SSBP3: variants seen among roughly 807,000 people sequenced by gnomAD.
The protein encoded by SSBP3 is single stranded DNA binding protein 3, also known as single-stranded DNA-binding protein 3.
SSBP3 carries 5 observed loss-of-function variants against 69.6 expected under a neutral mutation model. The observed-to-expected ratio is 0.07, with a 90% CI of 0.04 to 0.15. The LOEUF is 0.15. Among genes scored for constraint, SSBP3 ranks in the 10% least tolerant of loss-of-function variants. The pLI is 1.00. For missense variants in SSBP3, 312 were observed against 534.0 expected (o/e 0.58, Z 4.10); for synonymous variants, 196 against 193.4 (o/e 1.01, Z -0.11).
chr1:54,349,555 G>A (rs372191261), intron 4 of SSBP3, among the ~76,000 whole-genome samples: 5 of 152,110 alleles, frequency 3.3e-5, no homozygotes, highest in African/African-American at 1.2e-4. Flanking sequence ...AATCAAAGAG[G>A]AGACCAGCAC....
rs746933473 is a variant in SSBP3 at position 54,276,608 on chromosome 1, C to CAAAAA, written c.366+4825_366+4829dup. On this transcript the variant is annotated intron_variant, in intron 5 of 17. Coordinates refer to ENST00000610401, the Ensembl canonical transcript of SSBP3. ...TGGGTGACAGAGTGAGACTCTGTCT[C>CAAAAA]AAAAAAAAAAAAAAAAAAAAAAAAA... Among the ~76,000 whole-genome samples the CAAAAA allele has an allele frequency of 2.2e-3, 77 of 35,206 alleles. 3 individuals are homozygous for CAAAAA. The highest frequency in any genetic ancestry group is 4.7e-3 in the East Asian group (5 of 1,056). 23.1% of individuals were successfully genotyped at this position (35,206 alleles called of 152,430 possible).
intron 4 of SSBP3, among the ~76,000 whole-genome samples, chr1:54,319,641 C>A (rs1310648513): frequency 6.6e-6 from 1 of 151,990 alleles, no homozygotes; most frequent in East Asian, 1.9e-4. Context: ...CACACAGACC[C>A]TCCCTGAATT....
At chr1:54,272,365 G>A (rs1645208505) in intron 5 of SSBP3, among the ~76,000 whole-genome samples, 4 of 152,018 alleles carry the variant, frequency 2.6e-5, no homozygotes, top group Non-Finnish European at 5.9e-5. Context: ...ACTGTGGCAT[G>A]AGCTTACTCA....
chr1:54,401,370 C>T (rs1333048937), intron 4 of SSBP3, among the ~76,000 whole-genome samples: 1 of 149,956 alleles, frequency 6.7e-6, no homozygotes, highest in Non-Finnish European at 1.5e-5. Context: ...TGAGCCCACC[C>T]ACACCAAACA....
At chr1:54,381,635 T>C (rs1480492232) in intron 4 of SSBP3, among the ~76,000 whole-genome samples, 1 of 152,174 alleles carries the variant, frequency 6.6e-6, no homozygotes. Flanking sequence ...CTCAAATGAC[T>C]TGGCTCAACC....
chr1:54,283,472 G>C (rs573553165), intron 4 of SSBP3, among the ~76,000 whole-genome samples: 6 of 152,320 alleles, frequency 3.9e-5, no homozygotes, highest in African/African-American at 1.4e-4. Context: ...CGGACTTTCT[G>C]AATTTGCTTC....
At chr1:54,294,513 G>T (rs140421087) in intron 4 of SSBP3, among the ~76,000 whole-genome samples, 1 of 152,292 alleles carries the variant, frequency 6.6e-6, no homozygotes, top group Non-Finnish European at 1.5e-5. Flanking sequence ...GAAAGCATTT[G>T]TAGCTCCAAG....
upstream of SSBP3, among the ~76,000 whole-genome samples, chr1:54,407,055 G>C (rs1570087758): frequency 6.6e-6 from 1 of 152,056 alleles, no homozygotes; most frequent in African/African-American, 2.4e-5. Context: ...AGCCGGCGCC[G>C]AGGCGCGCGG....
At chr1:54,360,918 T>TTA (rs375777635) in intron 4 of SSBP3, among the ~76,000 whole-genome samples, 1 of 137,452 alleles carries the variant, frequency 7.3e-6, no homozygotes, top group Non-Finnish European at 1.6e-5. Context: ...TGTCTCTACT[T>TTA]AAAAAAAAAA....
intron 4 of SSBP3, among the ~76,000 whole-genome samples, chr1:54,378,284 G>A (rs1034982064): frequency 8.5e-5 from 13 of 152,070 alleles, no homozygotes; most frequent in African/African-American, 2.9e-4. Context: ...CCTAGTTATC[G>A]CTAATCCTTG....
intron 4 of SSBP3, among the ~76,000 whole-genome samples, chr1:54,338,815 C>T (rs1046849553): frequency 3.3e-5 from 5 of 152,186 alleles, no homozygotes; most frequent in Non-Finnish European, 7.3e-5. Flanking sequence ...ACAAACAGCC[C>T]CAGCCTCCTA....
At chr1:54,397,886 G>A (rs1231870995) in intron 4 of SSBP3, among the ~76,000 whole-genome samples, 2 of 152,192 alleles carry the variant, frequency 1.3e-5, no homozygotes, top group Non-Finnish European at 2.9e-5. Flanking sequence ...CCTTCCCAGA[G>A]TTCAGGTCTC....
intron 4 of SSBP3, among the ~76,000 whole-genome samples, chr1:54,351,722 T>C (rs1646783270): frequency 6.6e-6 from 1 of 152,220 alleles, no homozygotes; most frequent in African/African-American, 2.4e-5. Flanking sequence ...CTCTAGCAGA[T>C]TACTCCCACG....
At chr1:54,290,820 C>T (rs762252561) in intron 4 of SSBP3, among the ~76,000 whole-genome samples, 17 of 152,214 alleles carry the variant, frequency 1.1e-4, no homozygotes, top group Non-Finnish European at 2.4e-4. Flanking sequence ...AGGATCCCCC[C>T]TAGATGAACA....
At chr1:54,289,045 C>CAAA (rs796091545) in intron 4 of SSBP3, among the ~76,000 whole-genome samples, 2 of 41,108 alleles carry the variant, frequency 4.9e-5, no homozygotes, top group Admixed American at 2.0e-4. Context: ...AACAAAAAAA[C>CAAA]AAAAAAAAAA....
At chr1:54,239,147 A>G (rs1644558605) in exon 14 of SSBP3, 3 of 1,614,034 alleles carry the variant, frequency 1.9e-6, no homozygotes, top group Non-Finnish European at 2.5e-6. Context: ...GGCTGCCTCC[A>G]GGCGGCACTG....
rs1644851890 is a variant in SSBP3, at chr1:54,252,749, A to G, written c.508-889T>C. Among the ~76,000 whole-genome samples the G allele has an allele frequency of 1.3e-5, 2 of 152,246 alleles. 1 individual carries two copies. Among genetic ancestry groups the G allele is most frequent in the South Asian group, 4.1e-4 (2 of 4,826 alleles). On this transcript the variant is annotated intron_variant, in intron 7 of 17. Coordinates refer to ENST00000610401, the Ensembl canonical transcript of SSBP3. Reference sequence around the variant, plus strand: ...GAAGTTATTTCAGCTGCAACTGGAAAAAGAGAGTAGGAGTTGCTGGGGGGA... The same window carrying G: ...GAAGTTATTTCAGCTGCAACTGGAAGAAGAGAGTAGGAGTTGCTGGGGGGA...
chr1:54,363,462 C>A (rs140098558), intron 4 of SSBP3, among the ~76,000 whole-genome samples: 26 of 152,326 alleles, frequency 1.7e-4, no homozygotes, highest in African/African-American at 6.3e-4. Flanking sequence ...AATCAGCAAT[C>A]TGATGCCACA....
intron 13 of SSBP3, among the ~76,000 whole-genome samples, chr1:54,240,143 AC>A (rs1557449388): frequency 3.4e-5 from 5 of 146,070 alleles, no homozygotes; most frequent in African/African-American, 1.3e-4. Context: ...ACGTATGTGC[AC>A]GCATGCCCTC....
Sources: allele counts gnomAD v4.1 joint callset (sites outside exome capture counted in the v4.1 genomes callset), GRCh38; gene constraint gnomAD v4.1.1; transcripts MANE v1.5; gene names NCBI Gene and HGNC (gene_info 2026-07-23, HGNC 2026-07-21).